MTUS1: variants seen among roughly 807,000 people sequenced by gnomAD.
The protein encoded by MTUS1 is microtubule associated scaffold protein 1, also known as microtubule-associated tumor suppressor 1.
MTUS1 carries 109 observed loss-of-function variants against 120.8 expected under a neutral mutation model. The ratio of observed to expected loss-of-function variants is 0.90; its 90% confidence interval spans 0.77 to 1.06. The LOEUF is 1.06. MTUS1 is among the 50% of genes least tolerant of loss of function. The probability of loss-of-function intolerance (pLI) is 0.00; values close to 1 mark genes in which losing one functional copy is unlikely to be tolerated. For synonymous variants in MTUS1, 737 were observed against 550.5 expected (o/e 1.34, Z -4.74); for missense variants, 2,210 against 1,486.3 (o/e 1.49, Z -8.01).
At chr8:17,656,764 G>C (rs1332468012) in intron 8 of MTUS1, among the ~76,000 whole-genome samples, 1 of 151,874 alleles carries the variant, frequency 6.6e-6, no homozygotes, top group Non-Finnish European at 1.5e-5. Flanking sequence ...GAGCAGGAAA[G>C]ACGAGGGATA....
intron 7 of MTUS1, among the ~76,000 whole-genome samples, chr8:17,683,500 C>T (rs1815068184): frequency 1.3e-5 from 2 of 152,244 alleles, no homozygotes; most frequent in South Asian, 4.2e-4. Context: ...CTATGTTGCT[C>T]AGGCTGGTCT....
intron 1 of MTUS1, among the ~76,000 whole-genome samples, chr8:17,786,312 G>T (rs1167336073): frequency 6.6e-6 from 1 of 152,104 alleles, no homozygotes; most frequent in Non-Finnish European, 1.5e-5. Context: ...GGTCTGGAAG[G>T]CAGTGCCTGG....
intron 1 of MTUS1, among the ~76,000 whole-genome samples, chr8:17,797,707 T>C (rs2052358325): frequency 6.6e-6 from 1 of 152,190 alleles, no homozygotes; most frequent in Non-Finnish European, 1.5e-5. Flanking sequence ...TCTGAGGCCA[T>C]TTTTAAGTGC....
chr8:17,721,065 T>C (rs1057097097), intron 4 of MTUS1, among the ~76,000 whole-genome samples: 1 of 152,208 alleles, frequency 6.6e-6, no homozygotes, highest in African/African-American at 2.4e-5. Context: ...CACTGTGTTA[T>C]ATCAGAAGTT....
chr8:17,791,252 T>A (rs1477194431), intron 1 of MTUS1, among the ~76,000 whole-genome samples: 1 of 152,218 alleles, frequency 6.6e-6, no homozygotes, highest in Non-Finnish European at 1.5e-5. Context: ...GCTGATGTGA[T>A]CAGTTCTTAA....
intron 4 of MTUS1, among the ~76,000 whole-genome samples, chr8:17,719,681 AC>A (rs1240754834): frequency 5.3e-5 from 8 of 152,148 alleles, no homozygotes; most frequent in Admixed American, 5.2e-4. Flanking sequence ...ACCCTGAGAA[AC>A]CACTGACACC....
intron 3 of MTUS1, among the ~76,000 whole-genome samples, chr8:17,733,891 A>T (rs1242857842): frequency 6.6e-6 from 1 of 152,186 alleles, no homozygotes; most frequent in Admixed American, 6.5e-5. Context: ...CTCAGATCTC[A>T]GGGGGCAAAA....
intron 13 of MTUS1, among the ~76,000 whole-genome samples, chr8:17,649,224 G>C (rs1016163067): frequency 6.6e-6 from 1 of 151,840 alleles, no homozygotes; most frequent in Non-Finnish European, 1.5e-5. Context: ...ACCCGGCTAA[G>C]TTTTATATTT....
At chr8:17,727,049 A>C (rs1042709270) in intron 3 of MTUS1, among the ~76,000 whole-genome samples, 2 of 152,132 alleles carry the variant, frequency 1.3e-5, no homozygotes, top group Non-Finnish European at 2.9e-5. Context: ...TACCCCGGCA[A>C]CCAAATATCA....
chr8:17,700,316 A>C (rs1251938182), intron 6 of MTUS1, among the ~76,000 whole-genome samples: 1 of 151,982 alleles, frequency 6.6e-6, no homozygotes, highest in Non-Finnish European at 1.5e-5. Context: ...TAAAAACACA[A>C]AAAATTAGCT....
intron 7 of MTUS1, chr8:17,676,128 C>G (rs982578856): frequency 4.8e-6 from 3 of 628,654 alleles, no homozygotes; most frequent in Admixed American, 4.9e-5. Context: ...CCCACCACAT[C>G]CTGATCACAG....
In MTUS1 at chr8:17,684,508, T is replaced by G; in HGVS notation, c.2658A>C (p.Leu886Phe). The change falls in exon 7 of 15, where the codon TTA becomes TTC. Residue 886 changes from leucine (L) to phenylalanine (F), a missense_variant. By Grantham distance (22) the Leu-to-Phe change is conservative. Transcript: ENST00000693296. ...CGGGAGCTGTCTGTGGCTGGATACATAAGCTTCGAGGATTCTTTTGCCTGC... is the reference window on the plus strand; with the variant it reads ...CGGGAGCTGTCTGTGGCTGGATACAGAAGCTTCGAGGATTCTTTTGCCTGC... ...EKSRQKNPRSLCIQPQTAPDA... is the reference protein window; with the variant it reads ...EKSRQKNPRSFCIQPQTAPDA... 1.2e-6 allele frequency: 2 copies of G among 1,614,168 alleles called. No individual in the cohort carries two copies. The highest frequency in any genetic ancestry group is 1.7e-6 in the Non-Finnish European group (2 of 1,180,020).
intron 6 of MTUS1, among the ~76,000 whole-genome samples, chr8:17,705,070 G>A (rs1224872209): frequency 6.6e-6 from 1 of 152,114 alleles, no homozygotes; most frequent in Middle Eastern, 3.2e-3. Flanking sequence ...TGCAACCTCT[G>A]CCTCCTGGGT....
chr8:17,726,058 A>G (rs1013222609), intron 3 of MTUS1, among the ~76,000 whole-genome samples: 3 of 151,944 alleles, frequency 2.0e-5, no homozygotes, highest in African/African-American at 7.3e-5. Context: ...ATTTCGCTCT[A>G]TTCTTCTGCT....
intron 4 of MTUS1, among the ~76,000 whole-genome samples, chr8:17,716,830 A>G (rs1378407683): frequency 6.6e-6 from 1 of 152,226 alleles, no homozygotes; most frequent in Non-Finnish European, 1.5e-5. Context: ...CTGGGATTAC[A>G]GGCGTGAGCC....
rs992175326 is a variant in MTUS1, at chr8:17,654,393, A to G, written c.3214+168T>C. ...ACTATTATTTGCATCCTTAGTGGGA[A>G]AAGGCATCTGTTAACAATAAACCAC... is the stretch of plus-strand genomic sequence containing the variant. On this transcript the variant is annotated intron_variant, in intron 10 of 14. Transcript: ENST00000693296. The G allele has an allele frequency of 5.0e-6, 3 of 598,318 alleles. No individual in the cohort carries two copies. The African/African-American group carries it at 5.6e-5, about 11-fold the overall frequency. The allele number at this position is 598,318 out of a possible 1,614,324, so 37.1% of individuals were successfully genotyped here. A position where few individuals can be genotyped will look rare whatever the true frequency, so the allele number is the denominator to read the frequency against.
rs1230723430 is a variant in MTUS1, at chr8:17,645,118, GAGAAAATGAATTAC to G, written c.*794_*807del. 2 of 152,504 alleles carry G rather than the reference GAGAAAATGAATTAC, an allele frequency of 1.3e-5. No homozygotes were observed. Among genetic ancestry groups the G allele is most frequent in the Non-Finnish European group, 2.9e-5 (2 of 68,016 alleles). 9.4% of individuals were successfully genotyped at this position (152,504 alleles called of 1,614,324 possible). ...AGGGTTCTACATTTACACATAGCCT[GAGAAAATGAATTAC>G]AGGATAGTGTTAGGCTCACATGGGT... is the stretch of plus-strand genomic sequence containing the variant. On this transcript the variant is annotated 3_prime_UTR_variant, in exon 15 of 15. Transcript: ENST00000693296.
chr8:17,745,553 T>G (rs570514799), intron 2 of MTUS1, among the ~76,000 whole-genome samples: 2 of 152,358 alleles, frequency 1.3e-5, no homozygotes, highest in Non-Finnish European at 2.9e-5. Context: ...ATTTTTACTA[T>G]GAAACAATTA....
chr8:17,694,842 G>A (rs1359319159), intron 6 of MTUS1, among the ~76,000 whole-genome samples: 1 of 152,158 alleles, frequency 6.6e-6, no homozygotes, highest in Non-Finnish European at 1.5e-5. Flanking sequence ...TACACTGAGG[G>A]TTTTCAAATC....
Sources: gnomAD v4.1 joint callset for allele counts (sites outside exome capture counted in the v4.1 genomes callset) on GRCh38, gnomAD v4.1.1 for gene constraint, MANE v1.5 for transcripts, NCBI Gene and HGNC (gene_info 2026-07-23, HGNC 2026-07-21) for gene names.